The following PPP1R10 variants were observed in gnomAD, a reference collection of about 807,000 sequenced individuals.
PPP1R10 encodes the protein serine/threonine-protein phosphatase 1 regulatory subunit 10.
A neutral mutation model predicts 99.0 loss-of-function variants in PPP1R10; 15 were observed. The observed-to-expected ratio is 0.15, with a 90% confidence interval of 0.10 to 0.23. PPP1R10 has a LOEUF of 0.23. Ranked by LOEUF, PPP1R10 falls within the 10% of genes least tolerant of loss-of-function variation. The pLI, the probability that PPP1R10 is intolerant of heterozygous loss-of-function variation, is 1.00. For missense variants in PPP1R10, 947 were observed against 1,259.4 expected, an observed-to-expected ratio of 0.75 and a Z score of 3.75; for synonymous variants, 430 against 449.5, an observed-to-expected ratio of 0.96 and a Z score of 0.55.
intron 2 of PPP1R10, among the ~76,000 whole-genome samples, chr6:30,612,999 C>T (rs751427075): frequency 4.6e-5 from 7 of 152,186 alleles, no homozygotes; most frequent in Non-Finnish European, 1.0e-4. Flanking sequence ...GACTGCAGAA[C>T]ATACAGAAGG....
chr6:30,602,790 T>G lies in PPP1R10; in HGVS notation c.1957+56A>C. On this transcript the variant is annotated intron_variant, in intron 18 of 19. Coordinates refer to ENST00000376511, the MANE Select transcript of PPP1R10 (RefSeq NM_002714.4). This position sits in a 1 kb window ranked among gnomAD's most constrained non-coding sequence, Gnocchi z 6.7. ...CCACCTTCCAGTCAATCCTATACTA[T>G]TATCAGACTGAAATTAAGCAGATAA... is the stretch of plus-strand genomic sequence containing the variant. 6.5e-7 allele frequency: 1 copy of G among 1,546,456 alleles called. No homozygotes were observed. The highest frequency in any genetic ancestry group is 8.8e-7 in the Non-Finnish European group (1 of 1,139,046).
intron 2 of PPP1R10, among the ~76,000 whole-genome samples, chr6:30,611,352 C>T (rs1003679717): frequency 2.6e-5 from 4 of 152,182 alleles, no homozygotes; most frequent in Admixed American, 2.6e-4. Flanking sequence ...AAAGCCACTT[C>T]AGCAATATCT....
chr6:30,606,366 C>T lies in PPP1R10; in HGVS notation c.634+102G>A, dbSNP rs1803948909. 5.1e-6 allele frequency: 8 copies of T among 1,573,532 alleles called. No homozygotes were observed. The highest frequency in any genetic ancestry group is 6.9e-6 in the Non-Finnish European group (8 of 1,152,826). On this transcript the variant is annotated intron_variant, in intron 8 of 19. Coordinates refer to ENST00000376511, the MANE Select transcript of PPP1R10 (RefSeq NM_002714.4). This position sits in a 1 kb window ranked among gnomAD's most constrained non-coding sequence, Gnocchi z 6.3. The stretch of plus-strand genomic sequence containing the variant: ...CCAAAGCTTCCTCTGCTAGTCTTCC[C>T]TCTTCCTTACGATTAACATACCACA...
In PPP1R10 at chr6:30,606,382, A is replaced by C; in HGVS notation, c.634+86T>G. ...TAGTCTTCCCTCTTCCTTACGATTA[A>C]CATACCACACATCAAATGATTCCCC... On this transcript the variant is annotated intron_variant, in intron 8 of 19. Coordinates refer to ENST00000376511, the MANE Select transcript of PPP1R10 (RefSeq NM_002714.4). This position sits in a 1 kb window ranked among gnomAD's most constrained non-coding sequence, Gnocchi z 6.3. The C allele has an allele frequency of 6.3e-7, 1 of 1,580,542 alleles. No homozygotes were observed. The highest frequency in any genetic ancestry group is 8.6e-7 in the Non-Finnish European group (1 of 1,157,754).
At chr6:30,608,145 C>T (rs113681826) in intron 5 of PPP1R10, among the ~76,000 whole-genome samples, 6,739 of 152,008 alleles carry the variant, frequency 0.044, 274 homozygotes, top group African/African-American at 0.11. Flanking sequence ...TGCACCACCA[C>T]ATCTGGGTAA....
In PPP1R10 at chr6:30,609,270, GC is replaced by G. The variant is rs1804301627; in HGVS notation, c.108-108del. ...GAGATTCCTAATGACTTGGGACTTT[GC>G]TCCAGAGAAGGGGAGTCACATATAC... On this transcript the variant is annotated intron_variant, in intron 3 of 19. Transcript: ENST00000376511. The surrounding 1 kb of genome is among the most constrained non-coding windows in gnomAD (Gnocchi z 4.5). 9.8e-7 allele frequency: 1 copy of G among 1,021,480 alleles called. No individual in the cohort carries two copies. Among genetic ancestry groups the G allele is most frequent in the African/African-American group, 1.6e-5 (1 of 63,184 alleles). The allele number at this position is 1,021,480 out of a possible 1,614,324, so 63.3% of individuals were successfully genotyped here.
At chr6:30,613,820 C>T (rs999039464) in intron 2 of PPP1R10, among the ~76,000 whole-genome samples, 1 of 152,044 alleles carries the variant, frequency 6.6e-6, no homozygotes, top group Admixed American at 6.6e-5. Context: ...GTTCAGCTCC[C>T]AAGGAAGATA....
At chr6:30,608,697 C>T in intron 5 of PPP1R10, 82 bp downstream of exon 5, 2 of 1,476,884 alleles carry the variant, frequency 1.4e-6, no homozygotes, top group East Asian at 2.3e-5. Flanking sequence ...CCCAAGATTA[C>T]AGCCACATCA....
rs1483078857 is a variant in PPP1R10 at position 30,604,511 on chromosome 6, G to A, written c.1103C>T (p.Ala368Val). 6 of 1,612,888 alleles carry A rather than the reference G, an allele frequency of 3.7e-6. No homozygotes were observed. Among genetic ancestry groups the A allele is most frequent in the Non-Finnish European group, 4.2e-6 (5 of 1,180,042 alleles). The change falls in exon 13 of 20, where the codon GCC becomes GTC. Residue 368 changes from alanine to valine, a missense_variant and splice_region_variant. Physicochemically the swap from Ala to Val is moderately conservative, Grantham distance 64 (BLOSUM62 0). Transcript: ENST00000376511. The surrounding 1 kb of genome is among the most constrained non-coding windows in gnomAD (Gnocchi z 7.3). ...ATCCAGAGCTCCTGGCTCCAAAGAG[G>A]CTGGAAGCAGAAGAGGTTTCAGACC... ...PVEVPELMDTASLEPGALDAK... is the reference protein window; with the variant it reads ...PVEVPELMDTVSLEPGALDAK...
intron 2 of PPP1R10, among the ~76,000 whole-genome samples, chr6:30,615,132 G>C (rs1453170880): frequency 6.6e-6 from 1 of 151,686 alleles, no homozygotes; most frequent in African/African-American, 2.4e-5. Flanking sequence ...CAACAAAGAC[G>C]GAGGGACGCC....
chr6:30,606,062 A>G lies in PPP1R10; in HGVS notation c.741-27T>C. The G allele has an allele frequency of 6.2e-7, 1 of 1,612,904 alleles. No individual in the cohort carries two copies. Among genetic ancestry groups the G allele is most frequent in the African/African-American group, 1.3e-5 (1 of 74,966 alleles). ...TGTCAGAAGAGGAACTGTCATCAAC[A>G]TCTCCGACTCACCCCCTCCTGCTCC... On this transcript the variant is annotated intron_variant, in intron 9 of 19. Coordinates refer to ENST00000376511, the MANE Select transcript of PPP1R10 (RefSeq NM_002714.4). This position sits in a 1 kb window ranked among gnomAD's most constrained non-coding sequence, Gnocchi z 6.3.
Position 30,604,062 on chromosome 6 carries a change from A to C in PPP1R10, c.1454T>G (p.Ile485Ser). 3 of 1,613,754 alleles carry C rather than the reference A, an allele frequency of 1.9e-6. No individual in the cohort carries two copies. The highest frequency in any genetic ancestry group is 2.5e-6 in the Non-Finnish European group (3 of 1,179,916). The change falls in exon 14 of 20, where the codon ATC (isoleucine) becomes AGC (serine). Residue 485 changes from isoleucine to serine, a missense_variant. Physicochemically the swap from Ile to Ser is moderately radical, Grantham distance 142. Transcript: ENST00000376511. This position sits in a 1 kb window ranked among gnomAD's most constrained non-coding sequence, Gnocchi z 7.3. ...GATTCCCTTCTCCCGCTCAGCCTGGATATATCGCTCCTGACTATTGCTTCC... is the reference window on the plus strand; with the variant it reads ...GATTCCCTTCTCCCGCTCAGCCTGGCTATATCGCTCCTGACTATTGCTTCC... ...TPGSNSQERYIQAEREKGILQ... is the reference protein window; with the variant it reads ...TPGSNSQERYSQAEREKGILQ...
intron 5 of PPP1R10, 139 bp downstream of exon 5, chr6:30,608,637 GTCT>G (rs1031676660): frequency 1.0e-4 from 114 of 1,121,164 alleles, no homozygotes; most frequent in East Asian, 1.7e-4. Context: ...TTCAAACCAA[GTCT>G]TCTTCTTCTA....
intron 10 of PPP1R10, 102 bp from the exon 11 acceptor site, chr6:30,605,196 C>G: frequency 1.0e-6 from 1 of 1,001,588 alleles, no homozygotes; most frequent in South Asian, 1.5e-5. Context: ...AAGACCCTGC[C>G]TCAACTTAGG....
At chr6:30,607,471 C>T (rs1804071300) in intron 6 of PPP1R10, among the ~76,000 whole-genome samples, 2 of 152,196 alleles carry the variant, frequency 1.3e-5, no homozygotes, top group African/African-American at 2.4e-5. Context: ...GCCAACATTT[C>T]CACTTATAAA....
rs1018313587 is a variant in PPP1R10 at position 30,601,205 on chromosome 6, C to T, written c.*344G>A. 1.9e-4 allele frequency: 54 copies of T among 289,622 alleles called. No individual in the cohort carries two copies. The highest frequency in any genetic ancestry group is 1.1e-3 in the African/African-American group (52 of 46,578). The allele number at this position is 289,622 out of a possible 1,614,324, so 17.9% of individuals were successfully genotyped here. A position where few individuals can be genotyped will look rare whatever the true frequency, so the allele number is the denominator to read the frequency against. On this transcript the variant is annotated 3_prime_UTR_variant, in exon 20 of 20. Transcript: ENST00000376511. ...CCCGCAATAGAAGGGTAGGGGTGTT[C>T]GCCAGGATAACCAGCTTTAGGTTCT... is the stretch of plus-strand genomic sequence containing the variant.
rs1311245509 is a variant in PPP1R10 at position 30,616,850 on chromosome 6, G to C, written c.-384C>G. The C allele has an allele frequency of 6.6e-6, 1 of 152,346 alleles. No homozygotes were observed. The highest frequency in any genetic ancestry group is 1.9e-4 in the East Asian group (1 of 5,184). The allele number at this position is 152,346 out of a possible 1,614,324, so 9.4% of individuals were successfully genotyped here. A position where few individuals can be genotyped will look rare whatever the true frequency, so the allele number is the denominator to read the frequency against. On this transcript the variant is annotated 5_prime_UTR_variant, in exon 2 of 20. Coordinates refer to ENST00000376511, the MANE Select transcript of PPP1R10 (RefSeq NM_002714.4). Reference sequence around the variant, plus strand: ...CTGGTGGGGTGGGCAAGATAGGTGGGAAGGGGCAGAAGACACAAGTGGTTG... The same window carrying C: ...CTGGTGGGGTGGGCAAGATAGGTGGCAAGGGGCAGAAGACACAAGTGGTTG...
rs1804299560 is a variant in PPP1R10 at position 30,609,253 on chromosome 6, T to C, written c.108-90A>G. ...TCTCTGTGAACTGCCTAGAGATTCC[T>C]AATGACTTGGGACTTTGCTCCAGAG... is the stretch of plus-strand genomic sequence containing the variant. On this transcript the variant is annotated intron_variant, in intron 3 of 19. Coordinates refer to ENST00000376511, the MANE Select transcript of PPP1R10 (RefSeq NM_002714.4). This position sits in a 1 kb window ranked among gnomAD's most constrained non-coding sequence, Gnocchi z 4.5. 8.2e-7 allele frequency: 1 copy of C among 1,224,532 alleles called. No homozygotes were observed. Among genetic ancestry groups the C allele is most frequent in the African/African-American group, 1.5e-5 (1 of 67,478 alleles). 75.9% of individuals were successfully genotyped at this position (1,224,532 alleles called of 1,614,324 possible). A position where few individuals can be genotyped will look rare whatever the true frequency, so the allele number is the denominator to read the frequency against.
chr6:30,615,799 T>C (rs1411144225), intron 2 of PPP1R10, among the ~76,000 whole-genome samples: 1 of 152,208 alleles, frequency 6.6e-6, no homozygotes, highest in East Asian at 1.9e-4. Flanking sequence ...CCAACTATTA[T>C]CTTGTATGTA....
Sources: allele counts gnomAD v4.1 joint callset (sites outside exome capture counted in the v4.1 genomes callset), GRCh38; gene constraint gnomAD v4.1.1; non-coding constraint Gnocchi (gnomAD v3.1); transcripts MANE v1.5; gene names NCBI Gene and HGNC (gene_info 2026-07-23, HGNC 2026-07-21).